HMGCLL1: variants seen among roughly 807,000 people sequenced by gnomAD.
HMGCLL1 encodes 3-hydroxy-3-methylglutaryl-CoA lyase like 1, also known as 3-hydroxymethyl-3-methylglutaryl-CoA lyase, cytoplasmic.
Under a neutral mutation model 39.1 loss-of-function variants are expected in HMGCLL1, and 36 were observed. The ratio of observed to expected loss-of-function variants is 0.92; its 90% CI spans 0.71 to 1.22. HMGCLL1 has a LOEUF of 1.22. HMGCLL1 is among the 50% of genes most tolerant of loss of function. The pLI is 0.00. For synonymous variants in HMGCLL1, 149 were observed against 144.0 expected, an observed-to-expected ratio of 1.03 and a Z score of -0.25; for missense variants, 451 against 416.5, an observed-to-expected ratio of 1.08 and a Z score of -0.72.
In HMGCLL1 at chr6:55,542,943, TAA is replaced by T. The variant is rs1300502954; in HGVS notation, c.109-805_109-804del. Among the ~76,000 whole-genome samples the T allele has an allele frequency of 5.2e-3, 653 of 124,830 alleles. 10 individuals carry two copies. The highest frequency in any genetic ancestry group is 0.02 in the African/African-American group (617 of 30,862). 81.9% of individuals were successfully genotyped at this position (124,830 alleles called of 152,430 possible). On this transcript the variant is annotated intron_variant, in intron 1 of 8. Transcript: ENST00000274901. The stretch of plus-strand genomic sequence containing the variant: ...GATTGTTATTATATTACTATATTTA[TAA>T]GTGTATATAAATAATATATAATATA...
intron 3 of HMGCLL1, among the ~76,000 whole-genome samples, chr6:55,519,398 A>C (rs1353316550): frequency 6.6e-6 from 1 of 152,122 alleles, no homozygotes; most frequent in Admixed American, 6.6e-5. Context: ...CAAAATTGTA[A>C]TTCTCACCAT....
chr6:55,437,387 G>C lies in HMGCLL1; in HGVS notation c.922-1624C>G, dbSNP rs1184749622. On this transcript the variant is annotated intron_variant, in intron 8 of 8. Transcript: ENST00000274901. ...AGAGATATGCCCAGGTTATTACGGAGGCAGAGATATGAGGCCATCAACCCA... is the reference window on the plus strand; with the variant it reads ...AGAGATATGCCCAGGTTATTACGGACGCAGAGATATGAGGCCATCAACCCA... Among the ~76,000 whole-genome samples, 3 of 151,760 alleles carry C rather than the reference G, an allele frequency of 2.0e-5. No individual in the cohort carries two copies. The East Asian group carries it at 5.8e-4, about 29-fold the overall frequency.
chr6:55,521,666 TTG>T (rs1768049799), intron 3 of HMGCLL1, among the ~76,000 whole-genome samples: 1 of 151,992 alleles, frequency 6.6e-6, no homozygotes, highest in Admixed American at 6.6e-5. Context: ...TAAGTAAAGG[TTG>T]TGTGTGTTCA....
rs796751801 is a variant in HMGCLL1 at position 55,543,175 on chromosome 6, A to T, written c.109-1035T>A. Among the ~76,000 whole-genome samples, 3 of 8,710 alleles carry T rather than the reference A, an allele frequency of 3.4e-4. 1 individual carries two copies. The highest frequency in any genetic ancestry group is 5.2e-3 in the South Asian group (1 of 192). 5.7% of individuals were successfully genotyped at this position (8,710 alleles called of 152,430 possible). A position where few individuals can be genotyped will look rare whatever the true frequency, so the allele number is the denominator to read the frequency against. On this transcript the variant is annotated intron_variant, in intron 1 of 8. Coordinates refer to ENST00000274901, the MANE Select transcript of HMGCLL1 (RefSeq NM_001042406.2). ...ATATATATTATATATATAATATATA[A>T]TATATAATATATAATATATTATATA... is the stretch of plus-strand genomic sequence containing the variant.
At chr6:55,613,728 G>A in the HMGCLL1 span, among the ~76,000 whole-genome samples, 1 of 152,098 alleles carries the variant, frequency 6.6e-6, no homozygotes, top group South Asian at 2.1e-4. Flanking sequence ...ACCAAACAAT[G>A]ACAACCCATG....
the HMGCLL1 span, among the ~76,000 whole-genome samples, chr6:55,612,161 A>T: frequency 6.6e-6 from 1 of 152,180 alleles, no homozygotes; most frequent in Non-Finnish European, 1.5e-5. Flanking sequence ...AACAACAGGC[A>T]GGCACAGAGC....
the HMGCLL1 span, among the ~76,000 whole-genome samples, chr6:55,668,528 A>G: frequency 6.6e-6 from 1 of 151,858 alleles, no homozygotes. Flanking sequence ...AGGCAGATTG[A>G]ATGTACTGGA....
upstream of HMGCLL1, among the ~76,000 whole-genome samples, chr6:55,579,773 C>T (rs1771939109): frequency 2.0e-5 from 3 of 151,974 alleles, no homozygotes; most frequent in Admixed American, 2.0e-4. Flanking sequence ...TCTCATGGCA[C>T]AAAATTATTA....
In HMGCLL1 at chr6:55,543,481, T is replaced by G. The variant is rs200161342; in HGVS notation, c.109-1341A>C. ...TATATCATATATATCATATATAATA[T>G]ATATATGATATATATCATATATATC... On this transcript the variant is annotated intron_variant, in intron 1 of 8. Transcript: ENST00000274901. Among the ~76,000 whole-genome samples the G allele has an allele frequency of 6.5e-4, 8 of 12,236 alleles. No homozygotes were observed. In the East Asian group the frequency reaches 6.6e-3, roughly 10 times the overall value. 8.0% of individuals were successfully genotyped at this position (12,236 alleles called of 152,430 possible). A position where few individuals can be genotyped will look rare whatever the true frequency, so the allele number is the denominator to read the frequency against.
chr6:55,550,062 A>C (rs1438045783), intron 1 of HMGCLL1, among the ~76,000 whole-genome samples: 4 of 151,968 alleles, frequency 2.6e-5, no homozygotes, highest in African/African-American at 7.3e-5. Flanking sequence ...AGAAAACAAC[A>C]ATCTATGGTC....
chr6:55,437,982 T>C (rs543911362), intron 8 of HMGCLL1, among the ~76,000 whole-genome samples: 80 of 152,150 alleles, frequency 5.3e-4, no homozygotes, highest in African/African-American at 1.8e-3. Flanking sequence ...GGGTGACTAG[T>C]TGAATTGTGG....
intron 3 of HMGCLL1, among the ~76,000 whole-genome samples, chr6:55,533,885 CAAAAA>C (rs70986727): frequency 1.4e-5 from 1 of 71,724 alleles, no homozygotes; most frequent in Non-Finnish European, 2.8e-5. Context: ...GACTCCGTCT[CAAAAA>C]AAAAAAAAAA....
chr6:55,468,914 T>C (rs1163207079), intron 7 of HMGCLL1, among the ~76,000 whole-genome samples: 1 of 149,536 alleles, frequency 6.7e-6, no homozygotes, highest in South Asian at 2.1e-4. Context: ...TGCACTTATA[T>C]ATGTGCATAT....
intron 1 of HMGCLL1, among the ~76,000 whole-genome samples, chr6:55,577,926 C>A (rs1252070889): frequency 2.0e-5 from 3 of 152,118 alleles, no homozygotes; most frequent in South Asian, 2.1e-4. Flanking sequence ...AACAAAATAT[C>A]TTCTAAAGAA....
chr6:55,593,182 G>T, the HMGCLL1 span, among the ~76,000 whole-genome samples: 1 of 152,080 alleles, frequency 6.6e-6, no homozygotes, highest in Non-Finnish European at 1.5e-5. Context: ...CAAGGAGTCA[G>T]ATTCCTGGGA....
intron 3 of HMGCLL1, among the ~76,000 whole-genome samples, chr6:55,532,804 C>CATAATAATA (rs201080387): frequency 1.4e-5 from 1 of 71,546 alleles, no homozygotes; most frequent in East Asian, 3.9e-4. Context: ...CTGTCTCAAA[C>CATAATAATA]ATAATAATAA....
chr6:55,613,509 G>T, the HMGCLL1 span, among the ~76,000 whole-genome samples: 1 of 152,072 alleles, frequency 6.6e-6, no homozygotes, highest in African/African-American at 2.4e-5. Flanking sequence ...GTTTATTGCA[G>T]CACTATTCTC....
chr6:55,563,139 A>G (rs1771037010), intron 1 of HMGCLL1, among the ~76,000 whole-genome samples: 2 of 152,140 alleles, frequency 1.3e-5, no homozygotes, highest in South Asian at 4.1e-4. Flanking sequence ...GAACAAGTCT[A>G]TAAGCAATAA....
chr6:55,517,887 C>A (rs977844834), intron 3 of HMGCLL1, among the ~76,000 whole-genome samples: 2 of 151,988 alleles, frequency 1.3e-5, no homozygotes, highest in Non-Finnish European at 2.9e-5. Context: ...TGACTTATTA[C>A]ATTTAAGCTT....
Sources: gnomAD v4.1 joint callset for allele counts (sites outside exome capture counted in the v4.1 genomes callset) on GRCh38, gnomAD v4.1.1 for gene constraint, MANE v1.5 for transcripts, NCBI Gene and HGNC (gene_info 2026-07-23, HGNC 2026-07-21) for gene names.